Variants in MICU2 observed in about 807,000 individuals in gnomAD.
MICU2 encodes mitochondrial calcium uptake 2.
MICU2 carries 64 observed loss-of-function variants against 60.4 expected under a neutral mutation model. The observed-to-expected ratio is 1.06, with a 90% confidence interval of 0.87 to 1.31. The LOEUF (loss-of-function observed/expected upper bound fraction) is 1.31. Among genes scored for constraint, MICU2 ranks in the 50% most tolerant of loss-of-function variants. The probability of loss-of-function intolerance (pLI) is 0.00; values close to 1 mark genes in which losing one functional copy is unlikely to be tolerated. For missense variants in MICU2, 569 were observed against 531.0 expected, an observed-to-expected ratio of 1.07 and a Z score of -0.70; for synonymous variants, 201 against 175.0, an observed-to-expected ratio of 1.15 and a Z score of -1.17.
chr13:21,551,939 G>A (rs1446433975), intron 2 of MICU2, among the ~76,000 whole-genome samples: 2 of 152,048 alleles, frequency 1.3e-5, no homozygotes, highest in Non-Finnish European at 2.9e-5. Context: ...AATCCTTTGG[G>A]TATATGCCCA....
intron 4 of MICU2, among the ~76,000 whole-genome samples, chr13:21,526,283 T>C (rs1023486228): frequency 2.0e-5 from 3 of 151,974 alleles, no homozygotes; most frequent in East Asian, 3.9e-4. Context: ...TCTTAATATA[T>C]ACGTTTTCTC....
At chr13:21,572,556 A>C (rs979380160) in intron 1 of MICU2, among the ~76,000 whole-genome samples, 1 of 152,214 alleles carries the variant, frequency 6.6e-6, no homozygotes, top group African/African-American at 2.4e-5. Flanking sequence ...CTTTAGTTTT[A>C]GGAGCTAGAC....
chr13:21,550,208 T>C (rs1229037304), intron 2 of MICU2, among the ~76,000 whole-genome samples: 1 of 152,156 alleles, frequency 6.6e-6, no homozygotes, highest in Non-Finnish European at 1.5e-5. Flanking sequence ...TTATTAACTT[T>C]TGGTTTGCAG....
Position 21,594,259 on chromosome 13 carries a change from C to G in MICU2, c.210+9680G>C, listed in dbSNP as rs61950063. On this transcript the variant is annotated intron_variant, in intron 1 of 11. Coordinates refer to ENST00000382374, the MANE Select transcript of MICU2 (RefSeq NM_152726.3). ...CATTTCTCAAAAGAAGACATTTACA[C>G]GGCCAACAAACATGAAAAAGAGCTC... is the stretch of plus-strand genomic sequence containing the variant. 5.5e-3 allele frequency among the ~76,000 whole-genome samples: 839 copies of G among 152,226 alleles called. 2 individuals are homozygous for G. Among genetic ancestry groups the G allele is most frequent in the Non-Finnish European group, 7.4e-3 (504 of 68,014 alleles).
chr13:21,496,651 T>C (rs1298370129), intron 9 of MICU2: 1 of 153,026 alleles, frequency 6.5e-6, no homozygotes, highest in Non-Finnish European at 1.5e-5. Flanking sequence ...CCTCTCTAAG[T>C]CTTAGGTAAG....
intron 4 of MICU2, among the ~76,000 whole-genome samples, chr13:21,528,782 G>A (rs1886917372): frequency 6.6e-6 from 1 of 152,160 alleles, no homozygotes; most frequent in Non-Finnish European, 1.5e-5. Flanking sequence ...AATATATAAA[G>A]AATGATGAGA....
At chr13:21,593,571 C>CAAAAAAAAAAAAA (rs71093338) in intron 1 of MICU2, among the ~76,000 whole-genome samples, 6 of 63,034 alleles carry the variant, frequency 9.5e-5, no homozygotes, top group African/African-American at 1.3e-4. Flanking sequence ...CAATCCTAAG[C>CAAAAAAAAAAAAA]AAAAAAAAAA....
chr13:21,555,028 A>G (rs1346897642), intron 2 of MICU2, among the ~76,000 whole-genome samples: 1 of 152,224 alleles, frequency 6.6e-6, no homozygotes, highest in African/African-American at 2.4e-5. Flanking sequence ...GCAATAATTA[A>G]TATCTTACCA....
intron 1 of MICU2, among the ~76,000 whole-genome samples, chr13:21,593,550 T>A: frequency 9.7e-6 from 1 of 102,930 alleles, no homozygotes; most frequent in African/African-American, 4.1e-5. Flanking sequence ...GAAGACCCCA[T>A]ATTGCAAAGA....
chr13:21,518,886 C>T (rs1566145273), intron 6 of MICU2, among the ~76,000 whole-genome samples: 2 of 152,038 alleles, frequency 1.3e-5, no homozygotes, highest in Non-Finnish European at 1.5e-5. Flanking sequence ...ATATTTTTAT[C>T]TACTGCTACC....
At position 21,556,728 on chromosome 13, in the gene MICU2, C is replaced by T. The variant is rs145699195; in HGVS notation, c.358+10069G>A. On this transcript the variant is annotated intron_variant, in intron 2 of 11. Coordinates refer to ENST00000382374, the MANE Select transcript of MICU2 (RefSeq NM_152726.3). ...AGCAAGGGAGGGATCTGAAGAACTC[C>T]CTAGCTTATGGCCTTAATTTGCTCA... Among the ~76,000 whole-genome samples, 458 of 151,876 alleles carry T rather than the reference C, an allele frequency of 3.0e-3. 2 individuals carry two copies. Among genetic ancestry groups the T allele is most frequent in the African/African-American group, 0.01 (426 of 41,390 alleles).
chr13:21,523,120 T>G (rs1393090636), intron 4 of MICU2, among the ~76,000 whole-genome samples: 1 of 152,154 alleles, frequency 6.6e-6, no homozygotes. Context: ...CTCAGATGGG[T>G]TTACACCATT....
chr13:21,533,403 A>G lies in MICU2; in HGVS notation c.466+5899T>C, dbSNP rs1332111972. Among the ~76,000 whole-genome samples, 3 of 149,786 alleles carry G rather than the reference A, an allele frequency of 2.0e-5. No individual in the cohort carries two copies. In the East Asian group the frequency reaches 5.9e-4, roughly 29 times the overall value. ...CAGTGGCGCAATCTCGGCTCACTGC[A>G]AGCTCTGCCCCCCGGGTTCACGCCA... is the stretch of plus-strand genomic sequence containing the variant. On this transcript the variant is annotated intron_variant, in intron 4 of 11. Coordinates refer to ENST00000382374, the MANE Select transcript of MICU2 (RefSeq NM_152726.3).
intron 2 of MICU2, among the ~76,000 whole-genome samples, chr13:21,565,757 C>T (rs771992706): frequency 2.4e-4 from 36 of 152,150 alleles, no homozygotes; most frequent in Non-Finnish European, 3.5e-4. Flanking sequence ...TGCTTGAACC[C>T]GGGAGGCGGA....
At chr13:21,570,580 C>T (rs931428358) in intron 1 of MICU2, among the ~76,000 whole-genome samples, 6 of 152,192 alleles carry the variant, frequency 3.9e-5, no homozygotes, top group Admixed American at 2.6e-4. Flanking sequence ...TAATAAAAGT[C>T]TGTTTTTTGT....
intron 2 of MICU2, among the ~76,000 whole-genome samples, chr13:21,547,244 G>C (rs1356594879): frequency 2.0e-5 from 3 of 152,180 alleles, no homozygotes; most frequent in Non-Finnish European, 4.4e-5. Context: ...GATGGGGAGT[G>C]ATAAGGTTCT....
intron 1 of MICU2, among the ~76,000 whole-genome samples, chr13:21,583,944 C>T (rs1888403464): frequency 6.6e-6 from 1 of 152,182 alleles, no homozygotes; most frequent in Non-Finnish European, 1.5e-5. Context: ...ATATAATCTT[C>T]TAATTGCATA....
intron 1 of MICU2, among the ~76,000 whole-genome samples, chr13:21,602,147 CACTGAAGAAGGGTT>C (rs1437383750): frequency 6.6e-6 from 1 of 150,618 alleles, no homozygotes; most frequent in Non-Finnish European, 1.5e-5. Flanking sequence ...CAAAATGAGA[CACTGAAGAAGGGTT>C]TCTGAAGAAG....
At chr13:21,547,109 T>C (rs1566155684) in intron 2 of MICU2, among the ~76,000 whole-genome samples, 1 of 152,284 alleles carries the variant, frequency 6.6e-6, no homozygotes, top group East Asian at 1.9e-4. Context: ...TCATTAAGAA[T>C]ATTAGCAACT....
Sources: allele counts gnomAD v4.1 joint callset (sites outside exome capture counted in the v4.1 genomes callset), GRCh38; gene constraint gnomAD v4.1.1; transcripts MANE v1.5; gene names NCBI Gene and HGNC (gene_info 2026-07-23, HGNC 2026-07-21).